Variants in GPR85 observed in about 807,000 individuals in gnomAD.
GPR85 encodes G protein-coupled receptor 85.
Under a neutral mutation model 21.3 loss-of-function variants are expected in GPR85, and 7 were observed. That is an observed-to-expected ratio of 0.33 (90% CI 0.19 to 0.62). GPR85 has a LOEUF of 0.62. GPR85 is among the 20% of genes least tolerant of loss of function. The pLI, the probability that GPR85 is intolerant of heterozygous loss-of-function variation, is 0.80. For missense variants in GPR85, 299 were observed against 443.8 expected, an observed-to-expected ratio of 0.67 and a Z score of 2.93; for synonymous variants, 167 against 166.1, an observed-to-expected ratio of 1.01 and a Z score of -0.04.
rs1794306203 is a variant in GPR85 at position 113,086,446 on chromosome 7, C to CTTTTTTTTTTTT, written c.-414_-413insAAAAAAAAAAAA. ...TTTGTTTTTTTTTTTTTTTTTTTTG[C>CTTTTTTTTTTTT]CTTAGTGCCTTGACTGAGCATCCAG... On this transcript the variant is annotated 5_prime_UTR_variant, in exon 1 of 3. Transcript: ENST00000424100. 8.0e-5 allele frequency: 1 copy of CTTTTTTTTTTTT among 12,504 alleles called. No individual in the cohort carries two copies. The highest frequency in any genetic ancestry group is 3.3e-4 in the African/African-American group (1 of 3,052). The allele number at this position is 12,504 out of a possible 1,614,324, so 0.8% of individuals were successfully genotyped here.
In GPR85 at chr7:113,084,838, C is replaced by T. The variant is rs1794231737; in HGVS notation, c.-117G>A. On this transcript the variant is annotated 5_prime_UTR_variant, in exon 3 of 3. Transcript: ENST00000424100. ...AATATAATCCACAAAGAGAACTGAT[C>T]TGATCTGCAGTCATGCTTCCTCTTT... is the stretch of plus-strand genomic sequence containing the variant. 3.0e-6 allele frequency: 2 copies of T among 671,562 alleles called. No individual in the cohort carries two copies. The highest frequency in any genetic ancestry group is 6.2e-5 in the Admixed American group (2 of 32,190). The allele number at this position is 671,562 out of a possible 1,614,324, so 41.6% of individuals were successfully genotyped here. A position where few individuals can be genotyped will look rare whatever the true frequency, so the allele number is the denominator to read the frequency against.
chr7:113,086,983 G>T (rs1187699573), upstream of GPR85, among the ~76,000 whole-genome samples: 1 of 151,672 alleles, frequency 6.6e-6, no homozygotes, highest in Non-Finnish European at 1.5e-5. Flanking sequence ...CTTTAAATTT[G>T]CAGGTTAGCT....
chr7:113,085,018 C>T, intron 2 of GPR85, 127 bp from the exon 3 acceptor site: 1 of 259,380 alleles, frequency 3.9e-6, no homozygotes, highest in South Asian at 1.3e-4. Context: ...CTAATATTTG[C>T]TTTACTAAAT....
chr7:113,087,600 C>T (rs1313443082), upstream of GPR85: 2 of 154,372 alleles, frequency 1.3e-5, no homozygotes, highest in Non-Finnish European at 2.9e-5. Flanking sequence ...CCCAGTTCTC[C>T]TACCCAAAAC....
rs897305192 is a variant in GPR85, at chr7:113,086,775, C to T, written c.-742G>A. Among the ~76,000 whole-genome samples the T allele has an allele frequency of 6.6e-6, 1 of 151,994 alleles. No homozygotes were observed. The highest frequency in any genetic ancestry group is 1.5e-5 in the Non-Finnish European group (1 of 67,986). On this transcript the variant is annotated 5_prime_UTR_variant, in exon 1 of 3. Transcript: ENST00000424100. ...ATTTGTAGTGGGGGGCTGGAAAGGC[C>T]CTTTCAGGACCTCAGGCCCATCCTC... is the stretch of plus-strand genomic sequence containing the variant.
chr7:113,087,541 C>T (rs1200381006), upstream of GPR85: 1 of 154,394 alleles, frequency 6.5e-6, no homozygotes, highest in Non-Finnish European at 1.5e-5. Context: ...TTTACCATTT[C>T]CGAAGAGTTT....
Position 113,083,687 on chromosome 7 carries a change from C to A in GPR85, c.1035G>T (p.Glu345Asp), listed in dbSNP as rs1310167375. 6.2e-7 allele frequency: 1 copy of A among 1,614,138 alleles called. No individual in the cohort carries two copies. The highest frequency in any genetic ancestry group is 1.7e-5 in the Admixed American group (1 of 60,034). The part of the protein sequence containing the change: ...NPFVCIFSNR[E>D]LRRCFSTTLL... ...GGGTTGTGCTGAAACAGCGCCTCAG[C>A]TCCCTGTTTGAGAAAATGCAGACAA... Residue 345 changes from glutamate to aspartate, a missense_variant, in exon 3 of 3, where the codon GAG (glutamate) becomes GAT (aspartate). Glu to Asp is a conservative substitution (Grantham distance 45). This residue lies in a region of GPR85 where 198 missense variants were observed against 335.4 expected (regional missense o/e 0.59). Transcript: ENST00000424100. This position sits in a 1 kb window ranked among gnomAD's most constrained non-coding sequence, Gnocchi z 4.4.
rs1794304928 is a variant in GPR85 at position 113,086,438 on chromosome 7, T to TTTTTTTTTTTTTTTC, written c.-406_-405insGAAAAAAAAAAAAAA. ...TTTTGTTTTTTGTTTTTTTTTTTTT[T>TTTTTTTTTTTTTTTC]TTTTTTGCCTTAGTGCCTTGACTGA... On this transcript the variant is annotated 5_prime_UTR_variant, in exon 1 of 3. Coordinates refer to ENST00000424100, the MANE Select transcript of GPR85 (RefSeq NM_001146267.2). 2 of 121,732 alleles carry TTTTTTTTTTTTTTTC rather than the reference T, an allele frequency of 1.6e-5. No homozygotes were observed. Among genetic ancestry groups the TTTTTTTTTTTTTTTC allele is most frequent in the African/African-American group, 3.1e-5 (1 of 32,262 alleles). 7.5% of individuals were successfully genotyped at this position (121,732 alleles called of 1,614,324 possible). A position where few individuals can be genotyped will look rare whatever the true frequency, so the allele number is the denominator to read the frequency against.
rs1562996856 is a variant in GPR85, at chr7:113,086,415, T to A, written c.-382A>T. ...CTTTTTCTTTTTTTTTTTTTTTTTT[T>A]TGTTTTTTGTTTTTTTTTTTTTTTT... On this transcript the variant is annotated 5_prime_UTR_variant, in exon 1 of 3. Transcript: ENST00000424100. The A allele has an allele frequency of 3.3e-5, 2 of 60,600 alleles. No individual in the cohort carries two copies. The highest frequency in any genetic ancestry group is 2.4e-4 in the Admixed American group (1 of 4,110). The allele number at this position is 60,600 out of a possible 1,614,324, so 3.8% of individuals were successfully genotyped here. A position where few individuals can be genotyped will look rare whatever the true frequency, so the allele number is the denominator to read the frequency against.
In GPR85 at chr7:113,086,431, T is replaced by TTTTTTTTTTTTTG. The variant is rs1794302587; in HGVS notation, c.-399_-398insCAAAAAAAAAAAA. 2 of 108,244 alleles carry TTTTTTTTTTTTTG rather than the reference T, an allele frequency of 1.8e-5. No individual in the cohort carries two copies. Among genetic ancestry groups the TTTTTTTTTTTTTG allele is most frequent in the Non-Finnish European group, 1.9e-5 (1 of 52,464 alleles). The allele number at this position is 108,244 out of a possible 1,614,324, so 6.7% of individuals were successfully genotyped here. ...TTTTTTTTTTTGTTTTTTGTTTTTTTTTTTTTTTTTTTTGCCTTAGTGCCT... is the reference window on the plus strand; with the variant it reads ...TTTTTTTTTTTGTTTTTTGTTTTTTTTTTTTTTTTTTTGTTTTTTTTTTTTTGCCTTAGTGCCT... On this transcript the variant is annotated 5_prime_UTR_variant, in exon 1 of 3. The change abolishes the stop of an existing upstream ORF in the 5' untranslated region. Coordinates refer to ENST00000424100, the MANE Select transcript of GPR85 (RefSeq NM_001146267.2).
chr7:113,083,904 A>C lies in GPR85; in HGVS notation c.818T>G (p.Val273Gly). The C allele has an allele frequency of 6.2e-7, 1 of 1,614,134 alleles. No homozygotes were observed. Among genetic ancestry groups the C allele is most frequent in the Non-Finnish European group, 8.5e-7 (1 of 1,180,026 alleles). Residue 273 changes from valine to glycine, a missense_variant, in exon 3 of 3, where the codon GTC (valine) becomes GGC (glycine). Physicochemically the swap from Val to Gly is moderately radical, Grantham distance 109 (BLOSUM62 -3). Around this residue, in one of 2 missense-constraint regions of GPR85, gnomAD observed 198 missense variants for 335.4 expected, o/e 0.59. Transcript: ENST00000424100. The surrounding 1 kb of genome is among the most constrained non-coding windows in gnomAD (Gnocchi z 4.4). ...ANTTGRRRLLVLDEFKMEKRI... is the reference protein window; with the variant it reads ...ANTTGRRRLLGLDEFKMEKRI... The stretch of plus-strand genomic sequence containing the variant: ...TTTCTCCATTTTGAACTCGTCTAAG[A>C]CCAATAGCCTTCTTCTGCCTGTGGT...
At chr7:113,087,603 C>A (rs1303612747), upstream of GPR85, 1 of 154,364 alleles carries the variant, frequency 6.5e-6, no homozygotes, top group Non-Finnish European at 1.5e-5. Flanking sequence ...AGTTCTCCTA[C>A]CCAAAACTAG....
At position 113,084,798 on chromosome 7, in the gene GPR85, A is replaced by G. The variant is rs1458736438; in HGVS notation, c.-77T>C. ...ATAAGAACAAGGAAAAGATAGATCC[A>G]TACATTTTACTGAAAATATAATCCA... On this transcript the variant is annotated 5_prime_UTR_variant, in exon 3 of 3. It removes an upstream start codon present in the reference 5' UTR. Coordinates refer to ENST00000424100, the MANE Select transcript of GPR85 (RefSeq NM_001146267.2). The G allele has an allele frequency of 7.7e-6, 8 of 1,042,788 alleles. No homozygotes were observed. Among genetic ancestry groups the G allele is most frequent in the Non-Finnish European group, 9.8e-6 (7 of 717,410 alleles). The allele number at this position is 1,042,788 out of a possible 1,614,324, so 64.6% of individuals were successfully genotyped here. A position where few individuals can be genotyped will look rare whatever the true frequency, so the allele number is the denominator to read the frequency against.
rs1562995358 is a variant in GPR85, at chr7:113,084,142, T to G, written c.580A>C (p.Ile194Leu). The G allele has an allele frequency of 6.2e-7, 1 of 1,614,026 alleles. No individual in the cohort carries two copies. The highest frequency in any genetic ancestry group is 1.3e-5 in the African/African-American group (1 of 74,916). ...TAGACAAGCTGTGTGGCTAGGAGGATGAGAGCAAGAAGCAGCATAAATCCT... is the reference window on the plus strand; with the variant it reads ...TAGACAAGCTGTGTGGCTAGGAGGAGGAGAGCAAGAAGCAGCATAAATCCT... ...SLGFMLLLAL[I>L]LLATQLVYLK... The change falls in exon 3 of 3, where the codon ATC (isoleucine) becomes CTC (leucine). Residue 194 changes from isoleucine (I) to leucine (L), a missense_variant. Physicochemically the swap from Ile to Leu is conservative, Grantham distance 5. Around this residue, in one of 2 missense-constraint regions of GPR85, gnomAD observed 198 missense variants for 335.4 expected, o/e 0.59. Coordinates refer to ENST00000424100, the MANE Select transcript of GPR85 (RefSeq NM_001146267.2).
Position 113,086,396 on chromosome 7 carries a change from C to CTTTTTTTTTTTTTTTTTTGTTTT in GPR85, c.-364_-363insAAAACAAAAAAAAAAAAAAAAAA, listed in dbSNP as rs1794283693. The CTTTTTTTTTTTTTTTTTTGTTTT allele has an allele frequency of 3.1e-4, 15 of 48,074 alleles. 1 individual carries two copies. Among genetic ancestry groups the CTTTTTTTTTTTTTTTTTTGTTTT allele is most frequent in the East Asian group, 6.7e-4 (1 of 1,488 alleles). The allele number at this position is 48,074 out of a possible 1,614,324, so 3.0% of individuals were successfully genotyped here. ...CTGATTTTTTTCTTTTTTTCTTTTT[C>CTTTTTTTTTTTTTTTTTTGTTTT]TTTTTTTTTTTTTTTTTTTTGTTTT... On this transcript the variant is annotated 5_prime_UTR_variant, in exon 1 of 3. The change abolishes the stop of an existing upstream ORF in the 5' untranslated region. Coordinates refer to ENST00000424100, the MANE Select transcript of GPR85 (RefSeq NM_001146267.2).
At position 113,082,535 on chromosome 7, in the gene GPR85, T is replaced by G. The variant is rs1188530315; in HGVS notation, c.*1074A>C. On this transcript the variant is annotated 3_prime_UTR_variant, in exon 3 of 3. Coordinates refer to ENST00000424100, the MANE Select transcript of GPR85 (RefSeq NM_001146267.2). ...AAGGCTGTGGTCTCCCCTTGACAGC[T>G]GACTTAAAATATAAACATACATCAA... is the stretch of plus-strand genomic sequence containing the variant. 1.3e-5 allele frequency: 2 copies of G among 152,718 alleles called. No homozygotes were observed. Among genetic ancestry groups the G allele is most frequent in the South Asian group, 2.1e-4 (1 of 4,822 alleles). 9.5% of individuals were successfully genotyped at this position (152,718 alleles called of 1,614,324 possible). A position where few individuals can be genotyped will look rare whatever the true frequency, so the allele number is the denominator to read the frequency against.
In GPR85 at chr7:113,084,254, C is replaced by T. The variant is rs754183534; in HGVS notation, c.468G>A (p.Pro156=). 1.1e-5 allele frequency: 17 copies of T among 1,614,016 alleles called. No individual in the cohort carries two copies. Among genetic ancestry groups the T allele is most frequent in the Admixed American group, 1.7e-5 (1 of 60,006 alleles). The change falls in exon 3 of 3, where the codon CCG becomes CCA. Residue 156 remains proline, a synonymous_variant. Coordinates refer to ENST00000424100, the MANE Select transcript of GPR85 (RefSeq NM_001146267.2). ...ATGAGTAAGTGCCCACGTCTAAAAC[C>T]GGGGGAAATGCCATGGCCACAGACA... ...WTLSVAMAFP[P]VLDVGTYSFI...
rs1794299932 is a variant in GPR85, at chr7:113,086,427, T to TTTTTTTTTTTTTTTTTTTC, written c.-395_-394insGAAAAAAAAAAAAAAAAAA. 1 of 102,600 alleles carries TTTTTTTTTTTTTTTTTTTC rather than the reference T, an allele frequency of 9.7e-6. No individual in the cohort carries two copies. Among genetic ancestry groups the TTTTTTTTTTTTTTTTTTTC allele is most frequent in the Non-Finnish European group, 2.0e-5 (1 of 50,380 alleles). 6.4% of individuals were successfully genotyped at this position (102,600 alleles called of 1,614,324 possible). A position where few individuals can be genotyped will look rare whatever the true frequency, so the allele number is the denominator to read the frequency against. On this transcript the variant is annotated 5_prime_UTR_variant, in exon 1 of 3. An upstream open reading frame in the 5' UTR loses its in-frame stop. Coordinates refer to ENST00000424100, the MANE Select transcript of GPR85 (RefSeq NM_001146267.2). ...TTTTTTTTTTTTTTTGTTTTTTGTT[T>TTTTTTTTTTTTTTTTTTTC]TTTTTTTTTTTTTTTTTGCCTTAGT...
intron 2 of GPR85, among the ~76,000 whole-genome samples, chr7:113,085,758 CCT>C (rs1450267285): frequency 9.2e-5 from 14 of 152,210 alleles, no homozygotes; most frequent in African/African-American, 3.4e-4. Context: ...AAATCGGCTT[CCT>C]CTGTTATTCC....
Sources: allele counts gnomAD v4.1 joint callset (sites outside exome capture counted in the v4.1 genomes callset), GRCh38; gene constraint gnomAD v4.1.1; regional missense constraint gnomAD v4.1.1; non-coding constraint Gnocchi (gnomAD v3.1); transcripts MANE v1.5; gene names NCBI Gene and HGNC (gene_info 2026-07-23, HGNC 2026-07-21).